TPPP2: variants seen among roughly 807,000 people sequenced by gnomAD.
TPPP2 encodes the protein tubulin polymerization promoting protein family member 2, also known as tubulin polymerization-promoting protein family member 2.
Under a neutral mutation model 13.0 loss-of-function variants are expected in TPPP2, and 8 were observed. The observed-to-expected ratio is 0.62, with a 90% CI of 0.36 to 1.11. The LOEUF is 1.11. TPPP2 is among the 50% of genes most tolerant of loss of function. TPPP2 has a pLI of 0.02. For synonymous variants in TPPP2, 81 were observed against 81.8 expected (o/e 0.99, Z 0.05); for missense variants, 213 against 216.9 (o/e 0.98, Z 0.11).
chr14:21,034,363 C>T, downstream of TPPP2: 2 of 1,049,494 alleles, frequency 1.9e-6, no homozygotes, highest in Non-Finnish European at 2.8e-6. Flanking sequence ...ATCCCAGAGC[C>T]TCCAGCATTC....
chr14:21,028,257 T>C (rs1439339687), upstream of TPPP2, among the ~76,000 whole-genome samples: 1 of 151,892 alleles, frequency 6.6e-6, no homozygotes, highest in African/African-American at 2.4e-5. Context: ...TTTTGTTTTG[T>C]TTTGTTTTGT....
At chr14:21,035,266 A>C (rs573552664), downstream of TPPP2, among the ~76,000 whole-genome samples, 1 of 152,266 alleles carries the variant, frequency 6.6e-6, no homozygotes, top group East Asian at 1.9e-4. Flanking sequence ...AAATCTCTGC[A>C]TGCTGACTCT....
chr14:21,034,285 C>T (rs1371726435), downstream of TPPP2: 1 of 1,607,094 alleles, frequency 6.2e-7, no homozygotes, highest in Non-Finnish European at 8.5e-7. Context: ...ACAGCTGGTG[C>T]CATTCCTCCT....
At position 21,030,711 on chromosome 14, in the gene TPPP2, A is replaced by T; in HGVS notation, c.130A>T (p.Thr44Ser). The stretch of plus-strand genomic sequence containing the variant: ...AGACTGTGGCATCATGGATGGCAAG[A>T]CAGTCACCTCCACGGACGTGGACAT... Reference protein sequence around the residue: ...CKDCGIMDGKTVTSTDVDIVF... With the variant: ...CKDCGIMDGKSVTSTDVDIVF... The change falls in exon 2 of 4, where the codon ACA becomes TCA. Residue 44 changes from threonine (T) to serine (S), a missense_variant. Transcript: ENST00000321760. The T allele has an allele frequency of 6.2e-7, 1 of 1,614,204 alleles. No individual in the cohort carries two copies. The highest frequency in any genetic ancestry group is 8.5e-7 in the Non-Finnish European group (1 of 1,180,028).
upstream of TPPP2, among the ~76,000 whole-genome samples, chr14:21,027,602 A>C (rs1332742826): frequency 1.3e-5 from 2 of 152,232 alleles, no homozygotes; most frequent in Non-Finnish European, 2.9e-5. Context: ...GCAAACTATG[A>C]ATTCATCAAT....
chr14:21,033,717 C>A (rs758846882), downstream of TPPP2: 1 of 869,106 alleles, frequency 1.2e-6, no homozygotes, highest in Admixed American at 1.7e-5. Context: ...GGGACCCTGC[C>A]TGCCTCGTAA....
At chr14:21,031,751 G>A in intron 3 of TPPP2, 141 bp from the exon 4 acceptor site, 1 of 870,632 alleles carries the variant, frequency 1.1e-6, no homozygotes, top group Non-Finnish European at 1.8e-6. Flanking sequence ...GCTGTATCTG[G>A]GCCCTAAGAA....
At chr14:21,025,513 A>G, upstream of TPPP2, 1 of 985,416 alleles carries the variant, frequency 1.0e-6, no homozygotes, top group South Asian at 4.7e-5. The surrounding 1 kb of genome is among the most constrained non-coding windows in gnomAD (Gnocchi z 5.1). Context: ...CCCCGCCCGA[A>G]CACAGAGAAC....
Position 21,031,966 on chromosome 14 carries a change from T to G in TPPP2, c.402T>G (p.Phe134Leu). 6.2e-7 allele frequency: 1 copy of G among 1,614,072 alleles called. No homozygotes were observed. The highest frequency in any genetic ancestry group is 8.5e-7 in the Non-Finnish European group (1 of 1,180,012). Residue 134 changes from phenylalanine to leucine, a missense_variant, in exon 4 of 4, where the codon TTT (phenylalanine) becomes TTG (leucine). Physicochemically the swap from Phe to Leu is conservative, Grantham distance 22 (BLOSUM62 0). Transcript: ENST00000321760. ...ACACCGGCACCCACAAGGAGCGCTT[T>G]GATGAGAGTGGCAAGGGCAAGGGCA... The part of the protein sequence containing the change: ...SKYTGTHKER[F>L]DESGKGKGIA...
chr14:21,024,973 C>G (rs1263817329), intron 1 of TPPP2: 1 of 985,646 alleles, frequency 1.0e-6, no homozygotes, highest in East Asian at 1.1e-4. Flanking sequence ...ACACCGCCCG[C>G]CGGCCCGGCT....
Position 21,031,100 on chromosome 14 carries a change from G to A in TPPP2, c.262G>A (p.Asp88Asn). 6.2e-7 allele frequency: 1 copy of A among 1,614,174 alleles called. No individual in the cohort carries two copies. Among genetic ancestry groups the A allele is most frequent in the Non-Finnish European group, 8.5e-7 (1 of 1,180,032 alleles). ...GAAGCGCTTCAAAGGGAAGAGTCCA[G>A]ATGAAGTCCTGGAGAACATTTATGG... ...GQKRFKGKSP[D>N]EVLENIYGLM... Residue 88 changes from aspartate to asparagine, a missense_variant, in exon 3 of 4, where the codon GAT (aspartate) becomes AAT (asparagine). Coordinates refer to ENST00000321760, the MANE Select transcript of TPPP2 (RefSeq NM_173846.5).
chr14:21,035,046 T>C (rs74873203), downstream of TPPP2, among the ~76,000 whole-genome samples: 6,146 of 152,316 alleles, frequency 0.04, 215 homozygotes, highest in African/African-American at 0.1. Flanking sequence ...TTCTTATTCC[T>C]GACCCTCAGA....
upstream of TPPP2, among the ~76,000 whole-genome samples, chr14:21,026,478 C>G (rs538264930): frequency 1.1e-3 from 170 of 149,980 alleles, 3 homozygotes; most frequent in African/African-American, 3.9e-3. Flanking sequence ...CCCAAGTTTC[C>G]CTGCCCCCTC....
rs767894947 is a variant in TPPP2, at chr14:21,031,035, C to G, written c.197C>G (p.Thr66Arg). 1.2e-6 allele frequency: 2 copies of G among 1,613,228 alleles called. No individual in the cohort carries two copies. The highest frequency in any genetic ancestry group is 1.7e-6 in the Non-Finnish European group (2 of 1,179,674). Residue 66 changes from threonine (T) to arginine (R), a missense_variant, in exon 3 of 4, where the codon ACG becomes AGG. Coordinates refer to ENST00000321760, the MANE Select transcript of TPPP2 (RefSeq NM_173846.5). ...AGGGCCAAGAACGCCCGAACCATCA[C>G]GTTTCAACAGTTCAAAGAGGCAGTG... The part of the protein sequence containing the change: ...KVKAKNARTI[T>R]FQQFKEAVKE...
chr14:21,036,038 A>T (rs184118847), downstream of TPPP2: 4 of 379,844 alleles, frequency 1.1e-5, no homozygotes, highest in East Asian at 1.4e-4. Context: ...TCACGGCAGT[A>T]TGAGGATCCA....
chr14:21,031,294 A>G (rs770077940), intron 3 of TPPP2, 129 bp downstream of exon 3: 3 of 1,270,332 alleles, frequency 2.4e-6, no homozygotes, highest in African/African-American at 3.0e-5. Context: ...GATCATCTAG[A>G]CATTCCAGAA....
chr14:21,034,063 G>A (rs749475935), downstream of TPPP2: 7 of 1,614,140 alleles, frequency 4.3e-6, no homozygotes, highest in South Asian at 2.2e-5. Context: ...CAAGGGGCAT[G>A]TATCACATAA....
chr14:21,027,238 C>A (rs1883748314), upstream of TPPP2, among the ~76,000 whole-genome samples: 1 of 152,192 alleles, frequency 6.6e-6, no homozygotes, highest in Non-Finnish European at 1.5e-5. Context: ...GCTCCCAGCC[C>A]AACCAGGGTG....
rs577519382 is a variant in TPPP2, at chr14:21,030,441, C to T, written c.-69-72C>T. 4 of 837,370 alleles carry T rather than the reference C, an allele frequency of 4.8e-6. No individual in the cohort carries two copies. The East Asian group carries it at 1.1e-4, about 22-fold the overall frequency. 51.9% of individuals were successfully genotyped at this position (837,370 alleles called of 1,614,324 possible). A position where few individuals can be genotyped will look rare whatever the true frequency, so the allele number is the denominator to read the frequency against. On this transcript the variant is annotated intron_variant, in intron 1 of 3. Coordinates refer to ENST00000321760, the MANE Select transcript of TPPP2 (RefSeq NM_173846.5). The stretch of plus-strand genomic sequence containing the variant: ...GAGCTGGGAGGGAGAAAGGAGAGAG[C>T]AACAGGGAAGAGGGGAGCTGTTCCT...
Sources: gnomAD v4.1 joint callset for allele counts (sites outside exome capture counted in the v4.1 genomes callset) on GRCh38, gnomAD v4.1.1 for gene constraint, Gnocchi (gnomAD v3.1) non-coding constraint, MANE v1.5 for transcripts, NCBI Gene and HGNC (gene_info 2026-07-23, HGNC 2026-07-21) for gene names.